TTC29: variants seen among roughly 807,000 people sequenced by gnomAD.
TTC29 encodes tetratricopeptide repeat domain 29, also known as tetratricopeptide repeat protein 29.
TTC29 carries 49 observed loss-of-function variants against 58.1 expected under a neutral mutation model. The observed-to-expected ratio is 0.84, with a 90% CI of 0.67 to 1.07. TTC29 has a LOEUF of 1.07. TTC29 is among the 50% of genes least tolerant of loss of function. TTC29 has a pLI of 0.00. For missense variants in TTC29, 582 were observed against 555.6 expected, an observed-to-expected ratio of 1.05 and a Z score of -0.48; for synonymous variants, 209 against 196.8, an observed-to-expected ratio of 1.06 and a Z score of -0.52.
At chr4:146,727,252 A>G (rs1009944157) in intron 11 of TTC29, among the ~76,000 whole-genome samples, 4 of 152,162 alleles carry the variant, frequency 2.6e-5, no homozygotes, top group African/African-American at 7.2e-5. Context: ...CTGAGCAGAA[A>G]GTACAGAGTT....
At chr4:146,892,181 G>A (rs758612429) in intron 6 of TTC29, among the ~76,000 whole-genome samples, 1 of 152,072 alleles carries the variant, frequency 6.6e-6, no homozygotes, top group African/African-American at 2.4e-5. Flanking sequence ...TGTTTAAAGT[G>A]TGTAGCAGTT....
intron 11 of TTC29, among the ~76,000 whole-genome samples, chr4:146,735,274 C>G (rs1744632743): frequency 6.6e-6 from 1 of 152,026 alleles, no homozygotes; most frequent in South Asian, 2.1e-4. Flanking sequence ...AGGGAGAAAC[C>G]AAGGAACTCT....
chr4:146,942,495 A>G lies in TTC29; in HGVS notation c.-7+2536T>C, dbSNP rs1736498196. On this transcript the variant is annotated intron_variant, in intron 2 of 12. Transcript: ENST00000325106. ...TAACAAGAACTTACTAAATGGCAGC[A>G]TCATACAGAGCATATGGTAAGAAGT... 5 of 650,150 alleles carry G rather than the reference A, an allele frequency of 7.7e-6. No homozygotes were observed. The Admixed American group carries it at 8.8e-5, about 11-fold the overall frequency. 40.3% of individuals were successfully genotyped at this position (650,150 alleles called of 1,614,324 possible). A position where few individuals can be genotyped will look rare whatever the true frequency, so the allele number is the denominator to read the frequency against.
chr4:146,839,672 CT>C (rs1292242442), intron 8 of TTC29, among the ~76,000 whole-genome samples: 2 of 151,688 alleles, frequency 1.3e-5, no homozygotes, highest in African/African-American at 4.8e-5. Flanking sequence ...TCATGATACT[CT>C]TTCCTAGTTC....
At chr4:146,812,705 C>T (rs1689164777) in intron 10 of TTC29, 1 of 152,116 alleles carries the variant, frequency 6.6e-6, no homozygotes, top group Non-Finnish European at 1.5e-5. Flanking sequence ...TAAAACACTA[C>T]TAAAGAAATA....
intron 11 of TTC29, among the ~76,000 whole-genome samples, chr4:146,745,647 T>C (rs540760728): frequency 8.5e-5 from 13 of 152,344 alleles, no homozygotes; most frequent in African/African-American, 2.9e-4. Context: ...GTCACAATAT[T>C]TGTGACTTTA....
intron 10 of TTC29, among the ~76,000 whole-genome samples, chr4:146,813,766 T>A (rs1180879595): frequency 1.3e-5 from 2 of 152,116 alleles, no homozygotes; most frequent in African/African-American, 4.8e-5. Context: ...GGAGGATCAC[T>A]TGAGGGCAGG....
chr4:146,885,544 T>C (rs1015081201), intron 6 of TTC29, among the ~76,000 whole-genome samples: 1 of 152,066 alleles, frequency 6.6e-6, no homozygotes, highest in Non-Finnish European at 1.5e-5. Flanking sequence ...GGCTGTGCAA[T>C]ATTTTTGGGG....
At chr4:146,868,800 C>T (rs1730733804) in intron 7 of TTC29, among the ~76,000 whole-genome samples, 1 of 152,022 alleles carries the variant, frequency 6.6e-6, no homozygotes, top group Admixed American at 6.6e-5. Flanking sequence ...CTCCAAATCT[C>T]CTGGTAGAAA....
chr4:146,837,734 C>T lies in TTC29; in HGVS notation c.886-3837G>A, dbSNP rs191165799. 6.8e-4 allele frequency among the ~76,000 whole-genome samples: 104 copies of T among 152,072 alleles called. 2 individuals carry two copies. The highest frequency in any genetic ancestry group is 5.9e-5 in the Non-Finnish European group (4 of 67,972). ...CCTGTGGCAGATAATATGTTGGAAA[C>T]AGAGCCAGGATCAGGATGGTTAAAA... On this transcript the variant is annotated intron_variant, in intron 8 of 12. Coordinates refer to ENST00000325106, the MANE Select transcript of TTC29 (RefSeq NM_031956.4).
chr4:146,779,715 CTT>C (rs1407792624), intron 11 of TTC29, among the ~76,000 whole-genome samples: 2 of 152,178 alleles, frequency 1.3e-5, no homozygotes, highest in Admixed American at 6.5e-5. Context: ...ATCCCACAGT[CTT>C]TGGCTCTCAA....
chr4:146,820,682 G>A (rs1751753497), intron 9 of TTC29, among the ~76,000 whole-genome samples: 1 of 152,156 alleles, frequency 6.6e-6, no homozygotes, highest in Non-Finnish European at 1.5e-5. Flanking sequence ...ATCAACTGAT[G>A]AATGGGTAAA....
At chr4:146,761,403 A>C (rs947230563) in intron 11 of TTC29, among the ~76,000 whole-genome samples, 3 of 151,982 alleles carry the variant, frequency 2.0e-5, no homozygotes, top group African/African-American at 7.2e-5. Context: ...ATTATGAAGA[A>C]GATTCTCTTG....
chr4:146,816,532 G>A (rs1038364500), intron 10 of TTC29, among the ~76,000 whole-genome samples: 1 of 152,060 alleles, frequency 6.6e-6, no homozygotes, highest in Admixed American at 6.6e-5. Flanking sequence ...TGGTGGAGAT[G>A]GGGGAGAGGG....
chr4:146,943,169 CTTTT>C (rs61184684), intron 2 of TTC29, among the ~76,000 whole-genome samples: 2,012 of 58,354 alleles, frequency 0.034, 4 homozygotes, highest in East Asian at 0.092. Flanking sequence ...ATCAACTGTG[CTTTT>C]TTTTTTTTTT....
Position 146,707,097 on chromosome 4 carries a change from A to G in TTC29, c.*61T>C, listed in dbSNP as rs1011890582. The G allele has an allele frequency of 4.8e-6, 6 of 1,260,044 alleles. No individual in the cohort carries two copies. The Admixed American group carries it at 1.3e-4, about 26-fold the overall frequency. The allele number at this position is 1,260,044 out of a possible 1,614,324, so 78.1% of individuals were successfully genotyped here. A position where few individuals can be genotyped will look rare whatever the true frequency, so the allele number is the denominator to read the frequency against. On this transcript the variant is annotated 3_prime_UTR_variant, in exon 13 of 13. Transcript: ENST00000325106. Reference sequence around the variant, plus strand: ...TCTGTAACATGCTCCTATTACAAGTATTGAAGTCTAAGGTGACATGATGGA... The same window carrying G: ...TCTGTAACATGCTCCTATTACAAGTGTTGAAGTCTAAGGTGACATGATGGA...
chr4:146,942,991 G>A (rs1017403185), intron 2 of TTC29: 6 of 176,830 alleles, frequency 3.4e-5, no homozygotes, highest in African/African-American at 1.4e-4. Context: ...AGCTCATCCA[G>A]GTGCGTATAA....
intron 11 of TTC29, among the ~76,000 whole-genome samples, chr4:146,751,634 TAC>T (rs1746002856): frequency 1.3e-5 from 2 of 151,998 alleles, no homozygotes; most frequent in South Asian, 2.1e-4. Context: ...TAATTAAAAA[TAC>T]GCCAAAAACA....
chr4:146,871,630 A>G (rs1157706684), intron 7 of TTC29, among the ~76,000 whole-genome samples: 1 of 151,970 alleles, frequency 6.6e-6, no homozygotes, highest in East Asian at 1.9e-4. Flanking sequence ...ACGATCTGAA[A>G]ATGAAATTAA....
Sources: allele counts gnomAD v4.1 joint callset (sites outside exome capture counted in the v4.1 genomes callset), GRCh38; gene constraint gnomAD v4.1.1; transcripts MANE v1.5; gene names NCBI Gene and HGNC (gene_info 2026-07-23, HGNC 2026-07-21).